Variants in WDR47 observed in about 807,000 individuals in gnomAD.
WDR47 encodes WD repeat-containing protein 47.
Under a neutral mutation model 97.2 loss-of-function variants are expected in WDR47, and 32 were observed. The observed-to-expected ratio is 0.33, with a 90% CI of 0.25 to 0.44. The LOEUF (loss-of-function observed/expected upper bound fraction) is 0.44. Ranked by LOEUF, WDR47 falls within the 20% of genes least tolerant of loss-of-function variation. WDR47 has a pLI of 1.00. For missense variants in WDR47, 782 were observed against 1,102.3 expected (o/e 0.71, Z 4.11); for synonymous variants, 375 against 373.5 (o/e 1.00, Z -0.05).
At position 109,004,795 on chromosome 1, in the gene WDR47, T is replaced by C. The variant is rs193122248; in HGVS notation, c.1131-80A>G. The C allele has an allele frequency of 7.1e-4, 1,019 of 1,442,096 alleles. 3 individuals carry two copies. Among genetic ancestry groups the C allele is most frequent in the Middle Eastern group, 5.0e-3 (23 of 4,598 alleles). The allele number at this position is 1,442,096 out of a possible 1,614,324, so 89.3% of individuals were successfully genotyped here. On this transcript the variant is annotated intron_variant, in intron 5 of 14. Transcript: ENST00000369962. ...ATATATTTTAGTTAGAGAAATTTTA[T>C]TTTATTATTATTATTTTTGAGATGG...
intron 1 of WDR47, among the ~76,000 whole-genome samples, chr1:109,028,364 T>TTTTTTG (rs1662365811): frequency 8.0e-6 from 1 of 125,254 alleles, no homozygotes; most frequent in Non-Finnish European, 1.7e-5. Flanking sequence ...TTTGTTGGGT[T>TTTTTTG]TTTTTTTTTT....
At chr1:109,023,635 G>T in intron 1 of WDR47, 114 bp from the exon 2 acceptor site, 1 of 1,029,958 alleles carries the variant, frequency 9.7e-7, no homozygotes, top group Non-Finnish European at 1.4e-6. Flanking sequence ...CACATATTCT[G>T]AAGTGAAGTT....
At chr1:109,027,571 A>T (rs923670224) in intron 1 of WDR47, among the ~76,000 whole-genome samples, 1 of 151,336 alleles carries the variant, frequency 6.6e-6, no homozygotes, top group Admixed American at 6.6e-5. Context: ...TCACCCAGGC[A>T]AGAGTGCAGT....
chr1:108,997,652 C>G (rs1194215118), intron 7 of WDR47, among the ~76,000 whole-genome samples: 1 of 146,934 alleles, frequency 6.8e-6, no homozygotes, highest in Admixed American at 6.9e-5. Flanking sequence ...CCCAGCTTCT[C>G]GGGAGGCTGA....
intron 2 of WDR47, among the ~76,000 whole-genome samples, chr1:109,017,936 A>C (rs962578857): frequency 6.6e-6 from 1 of 151,656 alleles, no homozygotes; most frequent in Admixed American, 6.6e-5. Context: ...TTTAGTAGAT[A>C]CAGGGTTTCA....
intron 2 of WDR47, among the ~76,000 whole-genome samples, chr1:109,019,125 T>C (rs1036710255): frequency 7.2e-5 from 11 of 151,872 alleles, no homozygotes; most frequent in African/African-American, 2.7e-4. Flanking sequence ...CCAGGCATGG[T>C]GGCTGTCAGC....
At chr1:108,974,124 ATAAGAGGATACAGTGAGC>A (rs1255537796) in intron 14 of WDR47, among the ~76,000 whole-genome samples, 1 of 151,256 alleles carries the variant, frequency 6.6e-6, no homozygotes. Flanking sequence ...AGCAGGGGAG[ATAAGAGGATACAGTGAGC>A]TAAGATCACA....
rs1400118891 is a variant in WDR47, at chr1:109,002,314, T to C, written c.1343A>G (p.Gln448Arg). The C allele has an allele frequency of 6.2e-7, 1 of 1,613,330 alleles. No homozygotes were observed. Among genetic ancestry groups the C allele is most frequent in the African/African-American group, 1.3e-5 (1 of 74,946 alleles). ...QHLEQKEQQR[Q>R]IYQQMLLEGG... is the part of the protein sequence containing the mutation. Reference sequence around the variant, plus strand: ...TTCAAGCAACATCTGTTGGTATATCTGCCGCTGTTGCTCCTTCTGTTCTAA... The same window carrying C: ...TTCAAGCAACATCTGTTGGTATATCCGCCGCTGTTGCTCCTTCTGTTCTAA... Residue 448 changes from glutamine (Q) to arginine (R), a missense_variant, in exon 7 of 15, where the codon CAG becomes CGG. Gln to Arg is a conservative substitution (Grantham distance 43). Coordinates refer to ENST00000369962, the MANE Select transcript of WDR47 (RefSeq NM_001142551.2).
At chr1:109,020,450 CGG>C (rs1284263056) in intron 2 of WDR47, among the ~76,000 whole-genome samples, 1 of 151,724 alleles carries the variant, frequency 6.6e-6, no homozygotes, top group Non-Finnish European at 1.5e-5. Context: ...TTAGTAGAGA[CGG>C]GGGGTTTCAC....
intron 7 of WDR47, among the ~76,000 whole-genome samples, chr1:109,000,885 A>G (rs1660134708): frequency 6.6e-6 from 1 of 152,218 alleles, no homozygotes; most frequent in Admixed American, 6.5e-5. Flanking sequence ...GCCAACATTT[A>G]TAGGATACTT....
chr1:108,972,642 T>C (rs1192878316), intron 14 of WDR47, among the ~76,000 whole-genome samples: 2 of 152,010 alleles, frequency 1.3e-5, no homozygotes, highest in African/African-American at 4.8e-5. Context: ...AATAAAGCCC[T>C]TAAAAAAAAT....
At chr1:109,032,767 T>C (rs1662689300) in intron 1 of WDR47, among the ~76,000 whole-genome samples, 1 of 150,150 alleles carries the variant, frequency 6.7e-6, no homozygotes, top group Non-Finnish European at 1.5e-5. Flanking sequence ...CATGGTGGCA[T>C]GTGCCTATAA....
intron 7 of WDR47, 105 bp from the exon 8 acceptor site, chr1:108,995,942 T>G (rs904815920): frequency 5.2e-6 from 6 of 1,158,338 alleles, no homozygotes; most frequent in African/African-American, 4.7e-5. Flanking sequence ...ACATATAATA[T>G]ATAATCTATG....
chr1:109,041,020 A>C (rs1000601948), intron 1 of WDR47, among the ~76,000 whole-genome samples: 11 of 151,802 alleles, frequency 7.2e-5, no homozygotes, highest in African/African-American at 2.7e-4. Flanking sequence ...AAAAAAAAAA[A>C]ACGGTCCCCT....
Position 108,982,875 on chromosome 1 carries a change from TG to T in WDR47, c.2096-97del, listed in dbSNP as rs3835721. On this transcript the variant is annotated intron_variant, in intron 11 of 14. Transcript: ENST00000369962. ...CTACCTCAAAACTGGTCAAGAATAATGGTTTAGAAATATGGTTTGTATTTTC... is the reference window on the plus strand; with the variant it reads ...CTACCTCAAAACTGGTCAAGAATAATGTTTAGAAATATGGTTTGTATTTTC... 15 of 1,317,576 alleles carry T rather than the reference TG, an allele frequency of 1.1e-5. No individual in the cohort carries two copies. In the East Asian group the frequency reaches 3.6e-4, roughly 31 times the overall value. 81.6% of individuals were successfully genotyped at this position (1,317,576 alleles called of 1,614,324 possible).
At chr1:108,994,592 T>C (rs1351742089) in intron 8 of WDR47, among the ~76,000 whole-genome samples, 3 of 151,584 alleles carry the variant, frequency 2.0e-5, no homozygotes, top group African/African-American at 7.2e-5. Flanking sequence ...AAAAATTGTA[T>C]GTATATATAT....
intron 6 of WDR47, among the ~76,000 whole-genome samples, chr1:109,003,540 C>T (rs927913374): frequency 1.3e-5 from 2 of 152,160 alleles, no homozygotes; most frequent in Non-Finnish European, 2.9e-5. Context: ...CTCACTCTGT[C>T]GCCCAGGCTG....
At chr1:108,985,772 T>C (rs1244202046) in intron 10 of WDR47, among the ~76,000 whole-genome samples, 2 of 152,212 alleles carry the variant, frequency 1.3e-5, no homozygotes, top group Non-Finnish European at 2.9e-5. Flanking sequence ...TCTTTGGTTC[T>C]ACCTCCATAA....
intron 14 of WDR47, among the ~76,000 whole-genome samples, chr1:108,974,121 G>A (rs1384054996): frequency 2.6e-5 from 4 of 151,936 alleles, no homozygotes; most frequent in Non-Finnish European, 5.9e-5. Flanking sequence ...TTGAGCAGGG[G>A]AGATAAGAGG....
Sources: gnomAD v4.1 joint callset for allele counts (sites outside exome capture counted in the v4.1 genomes callset) on GRCh38, gnomAD v4.1.1 for gene constraint, MANE v1.5 for transcripts, NCBI Gene and HGNC (gene_info 2026-07-23, HGNC 2026-07-21) for gene names.